AUTS2: variants seen among roughly 807,000 people sequenced by gnomAD.
The protein encoded by AUTS2 is autism susceptibility gene 2 protein.
Under a neutral mutation model 112.4 loss-of-function variants are expected in AUTS2, and 17 were observed. That is an observed-to-expected ratio of 0.15 (90% CI 0.10 to 0.23). The LOEUF (loss-of-function observed/expected upper bound fraction) is 0.23, where lower values mean the gene tolerates loss of function less well. AUTS2 is among the 10% of genes least tolerant of loss of function. The pLI is 1.00. For synonymous variants in AUTS2, 751 were observed against 702.7 expected (o/e 1.07, Z -1.09); for missense variants, 1,510 against 1,701.6 (o/e 0.89, Z 1.98).
chr7:70,033,328 T>C (rs1163261403), intron 2 of AUTS2, among the ~76,000 whole-genome samples: 1 of 152,176 alleles, frequency 6.6e-6, no homozygotes, highest in African/African-American at 2.4e-5. Context: ...TATGCATATG[T>C]TTGTAAAAGT....
intron 2 of AUTS2, among the ~76,000 whole-genome samples, chr7:70,014,991 A>G (rs573870957): frequency 1.3e-5 from 2 of 152,368 alleles, no homozygotes; most frequent in South Asian, 4.1e-4. Context: ...TGAGAAAATT[A>G]TGAGCATAAT....
At chr7:69,654,646 T>A (rs2533436) in intron 1 of AUTS2, among the ~76,000 whole-genome samples, 129,181 of 152,186 alleles carry the variant, frequency 0.85, 55,080 homozygotes, top group African/African-American at 0.93. Context: ...TCCAGGGCTC[T>A]TGTCCAACTA....
chr7:70,386,711 G>T (rs1423210663), intron 4 of AUTS2, among the ~76,000 whole-genome samples: 1 of 152,088 alleles, frequency 6.6e-6, no homozygotes, highest in African/African-American at 2.4e-5. Flanking sequence ...AGTCAGAAAG[G>T]CTTCACTTAT....
At chr7:69,874,306 C>T (rs1793632295) in intron 1 of AUTS2, among the ~76,000 whole-genome samples, 1 of 152,132 alleles carries the variant, frequency 6.6e-6, no homozygotes, top group South Asian at 2.1e-4. Context: ...CTGGAGTATA[C>T]TTACTCCAGA....
At chr7:70,696,032 A>T (rs1027298441) in intron 5 of AUTS2, among the ~76,000 whole-genome samples, 4 of 126,198 alleles carry the variant, frequency 3.2e-5, no homozygotes, top group Non-Finnish European at 5.3e-5. Context: ...AATTTTTTTT[A>T]AAAAGCCAGG....
intron 4 of AUTS2, among the ~76,000 whole-genome samples, chr7:70,225,661 C>G (rs1402620087): frequency 6.6e-6 from 1 of 151,976 alleles, no homozygotes. Context: ...TTATATGTAG[C>G]AAAACACAAG....
At chr7:70,180,447 T>C (rs543498907) in intron 4 of AUTS2, among the ~76,000 whole-genome samples, 2 of 152,338 alleles carry the variant, frequency 1.3e-5, no homozygotes, top group African/African-American at 4.8e-5. Flanking sequence ...GGCTTTGTGT[T>C]GGAAGTTAAT....
chr7:69,786,218 G>C (rs1338679087), intron 1 of AUTS2, among the ~76,000 whole-genome samples: 1 of 151,746 alleles, frequency 6.6e-6, no homozygotes, highest in Non-Finnish European at 1.5e-5. Context: ...TAGAAATGCA[G>C]CAATCAGCAC....
intron 4 of AUTS2, among the ~76,000 whole-genome samples, chr7:70,176,817 T>G (rs1313903688): frequency 6.6e-6 from 1 of 152,226 alleles, no homozygotes; most frequent in African/African-American, 2.4e-5. Flanking sequence ...CCCATCATAC[T>G]GGAGTGCTTT....
At chr7:70,787,076 C>G (rs1490295073) in intron 17 of AUTS2, 133 bp from the exon 18 acceptor site, 7 of 846,158 alleles carry the variant, frequency 8.3e-6, no homozygotes, top group Non-Finnish European at 1.4e-5. Flanking sequence ...AATCTCCTTT[C>G]CTTTTCCAGC....
intron 5 of AUTS2, among the ~76,000 whole-genome samples, chr7:70,609,959 T>TTTTTTG (rs1554441434): frequency 2.4e-5 from 3 of 122,872 alleles, no homozygotes; most frequent in African/African-American, 8.9e-5. Context: ...AGTTCTGTTT[T>TTTTTTG]TTGTTGTTGT....
intron 2 of AUTS2, among the ~76,000 whole-genome samples, chr7:69,914,543 G>C (rs564057414): frequency 2.6e-5 from 4 of 152,054 alleles, no homozygotes; most frequent in South Asian, 4.1e-4. Context: ...CGTGTCTGCT[G>C]TTCTCCCATG....
chr7:69,985,955 G>T (rs1798496655), intron 2 of AUTS2, among the ~76,000 whole-genome samples: 1 of 151,986 alleles, frequency 6.6e-6, no homozygotes, highest in Non-Finnish European at 1.5e-5. Context: ...TAGAGTCAGG[G>T]TCTTACTATG....
chr7:69,777,483 GT>G (rs1788945528), intron 1 of AUTS2, among the ~76,000 whole-genome samples: 1 of 152,094 alleles, frequency 6.6e-6, no homozygotes, highest in Admixed American at 6.5e-5. Flanking sequence ...AGCAGTTCCT[GT>G]GAATGTTTCC....
intron 2 of AUTS2, among the ~76,000 whole-genome samples, chr7:70,074,759 G>A (rs1323753813): frequency 6.6e-6 from 1 of 152,194 alleles, no homozygotes; most frequent in East Asian, 1.9e-4. Context: ...GCACACGGAA[G>A]TAAATCAAGA....
At chr7:70,578,923 TTTC>T (rs1288776116) in intron 5 of AUTS2, among the ~76,000 whole-genome samples, 60 of 138,268 alleles carry the variant, frequency 4.3e-4, no homozygotes, top group Middle Eastern at 7.8e-3. Context: ...TTTTTTTTTC[TTTC>T]TTTTTTTTTT....
chr7:70,385,459 A>G (rs1793567219), intron 4 of AUTS2, among the ~76,000 whole-genome samples: 1 of 152,230 alleles, frequency 6.6e-6, no homozygotes, highest in African/African-American at 2.4e-5. Flanking sequence ...ACAATTAAAC[A>G]AGTATCAACA....
At chr7:69,920,204 A>G (rs995556089) in intron 2 of AUTS2, among the ~76,000 whole-genome samples, 7 of 152,012 alleles carry the variant, frequency 4.6e-5, no homozygotes, top group African/African-American at 1.7e-4. Flanking sequence ...TATTATTATT[A>G]TTATTTTTAA....
At chr7:70,052,898 A>G (rs1470047070) in intron 2 of AUTS2, among the ~76,000 whole-genome samples, 1 of 152,178 alleles carries the variant, frequency 6.6e-6, no homozygotes, top group Admixed American at 6.5e-5. Flanking sequence ...CAAGTCATGC[A>G]TGCTTTCTGT....
Sources: allele counts gnomAD v4.1 joint callset (sites outside exome capture counted in the v4.1 genomes callset), GRCh38; gene constraint gnomAD v4.1.1; transcripts MANE v1.5; gene names NCBI Gene and HGNC (gene_info 2026-07-23, HGNC 2026-07-21).